Variants in ITCH observed in about 807,000 individuals in gnomAD.
ITCH encodes the protein E3 ubiquitin-protein ligase Itchy homolog.
ITCH carries 28 observed loss-of-function variants against 126.8 expected under a neutral mutation model. That is an observed-to-expected ratio of 0.22 (90% CI 0.16 to 0.30). The LOEUF (loss-of-function observed/expected upper bound fraction) is 0.30. Among genes scored for constraint, ITCH ranks in the 10% least tolerant of loss-of-function variants. The pLI is 1.00. For synonymous variants in ITCH, 342 were observed against 340.0 expected (o/e 1.01, Z -0.06); for missense variants, 631 against 1,032.4 (o/e 0.61, Z 5.33).
intron 11 of ITCH, among the ~76,000 whole-genome samples, chr20:34,448,342 G>A (rs910625796): frequency 2.0e-5 from 3 of 151,902 alleles, no homozygotes; most frequent in Middle Eastern, 3.4e-3. Context: ...ACAGTGAGCC[G>A]AGATCGTGCC....
chr20:34,419,775 C>G (rs1980506965), intron 6 of ITCH, among the ~76,000 whole-genome samples: 1 of 152,210 alleles, frequency 6.6e-6, no homozygotes, highest in Non-Finnish European at 1.5e-5. Context: ...CTGCCTTAGC[C>G]TCCCGAGTAG....
chr20:34,365,935 T>C (rs1233845444), intron 1 of ITCH, among the ~76,000 whole-genome samples: 1 of 152,198 alleles, frequency 6.6e-6, no homozygotes, highest in Admixed American at 6.6e-5. Context: ...ACTGTAGACT[T>C]ACCAAGGAAA....
intron 20 of ITCH, among the ~76,000 whole-genome samples, chr20:34,482,008 T>G (rs1206741887): frequency 6.6e-6 from 1 of 151,980 alleles, no homozygotes; most frequent in Non-Finnish European, 1.5e-5. Context: ...AGACTCTGTC[T>G]CAAAACAAAC....
Position 34,412,576 on chromosome 20 carries a change from G to A in ITCH, c.274G>A (p.Asp92Asn). The change falls in exon 5 of 25, where the codon GAT becomes AAT. Residue 92 changes from aspartate (D) to asparagine (N), a missense_variant. This residue lies in a region of ITCH where 220 missense variants were observed against 265.7 expected (regional missense o/e 0.83). Coordinates refer to ENST00000374864, the MANE Select transcript of ITCH (RefSeq NM_031483.7). ...GTGGAGTCACCAGACACTGAAATCT[G>A]ATGTTTTGTTGGGAACTGCTGCATT... ...RVWSHQTLKSDVLLGTAALDI... is the reference protein window; with the variant it reads ...RVWSHQTLKSNVLLGTAALDI... 6.2e-7 allele frequency: 1 copy of A among 1,603,032 alleles called. No homozygotes were observed. Among genetic ancestry groups the A allele is most frequent in the Non-Finnish European group, 8.5e-7 (1 of 1,170,052 alleles).
At chr20:34,451,058 C>G (rs1419236615) in intron 12 of ITCH, 1 of 152,114 alleles carries the variant, frequency 6.6e-6, no homozygotes, top group African/African-American at 2.4e-5. Flanking sequence ...GAGGCTGAGG[C>G]AGGTGAATCG....
At chr20:34,480,248 A>G (rs985139106) in intron 18 of ITCH, among the ~76,000 whole-genome samples, 1 of 151,884 alleles carries the variant, frequency 6.6e-6, no homozygotes, top group Admixed American at 6.6e-5. Flanking sequence ...CCCAGGCTAG[A>G]GTGCAATGGC....
rs1362618663 is a variant in ITCH at position 34,511,227 on chromosome 20, T to C, written c.*3433T>C. ...GGCAGCACTGGATTGTATATTACTGTATTAAGAGTACCTTTGTTTTCTTGA... is the reference window on the plus strand; with the variant it reads ...GGCAGCACTGGATTGTATATTACTGCATTAAGAGTACCTTTGTTTTCTTGA... On this transcript the variant is annotated 3_prime_UTR_variant, in exon 25 of 25. Transcript: ENST00000374864. 1.3e-5 allele frequency: 2 copies of C among 152,236 alleles called. No homozygotes were observed. The highest frequency in any genetic ancestry group is 3.8e-4 in the East Asian group (2 of 5,206). 9.4% of individuals were successfully genotyped at this position (152,236 alleles called of 1,614,324 possible).
intron 14 of ITCH, among the ~76,000 whole-genome samples, chr20:34,469,523 C>A (rs6059855): frequency 6.6e-6 from 1 of 151,998 alleles, no homozygotes; most frequent in East Asian, 1.9e-4. Context: ...CTCCTGACCT[C>A]AGATGATCCA....
At chr20:34,504,114 C>T (rs1990468865) in intron 23 of ITCH, among the ~76,000 whole-genome samples, 1 of 152,020 alleles carries the variant, frequency 6.6e-6, no homozygotes, top group Non-Finnish European at 1.5e-5. Context: ...CTCCTGACCT[C>T]AAGTGAGCTG....
intron 12 of ITCH, among the ~76,000 whole-genome samples, chr20:34,451,245 G>A (rs1258235706): frequency 1.3e-5 from 2 of 150,758 alleles, no homozygotes; most frequent in East Asian, 1.9e-4. Context: ...AGCCAAGATC[G>A]CGCCATTGCA....
At chr20:34,391,019 C>G (rs1180367586) in intron 2 of ITCH, among the ~76,000 whole-genome samples, 2 of 152,180 alleles carry the variant, frequency 1.3e-5, no homozygotes, top group East Asian at 3.8e-4. Flanking sequence ...TCCCAGAGTG[C>G]TGGGATTACA....
intron 12 of ITCH, among the ~76,000 whole-genome samples, chr20:34,452,709 C>T (rs1465451998): frequency 6.6e-6 from 1 of 152,106 alleles, no homozygotes; most frequent in Admixed American, 6.5e-5. Flanking sequence ...CCTGTGTTGC[C>T]CAGGCTGGGG....
intron 2 of ITCH, among the ~76,000 whole-genome samples, chr20:34,370,598 A>G (rs1055074440): frequency 3.3e-5 from 5 of 151,706 alleles, no homozygotes; most frequent in African/African-American, 7.3e-5. Context: ...CAGGAGGTGG[A>G]CACTGCAGTA....
intron 3 of ITCH, chr20:34,402,760 C>G: frequency 3.4e-6 from 1 of 290,224 alleles, no homozygotes; most frequent in Non-Finnish European, 7.0e-6. Context: ...AGCTTCTCCA[C>G]CGGGTTGTTG....
chr20:34,476,406 C>T, intron 16 of ITCH: 1 of 1,238,398 alleles, frequency 8.1e-7, no homozygotes, highest in Non-Finnish European at 1.0e-6. Flanking sequence ...GGTGCAGCCA[C>T]CGGCCGGCCG....
rs1568989908 is a variant in ITCH at position 34,480,596 on chromosome 20, T to C, written c.1819-3T>C. The C allele has an allele frequency of 6.2e-7, 1 of 1,613,776 alleles. No homozygotes were observed. Among genetic ancestry groups the C allele is most frequent in the Non-Finnish European group, 8.5e-7 (1 of 1,179,758 alleles). ...TAAGCGGTCTTGTTTCCTTTTTTCATAGGCTCTGTTCCATGGGAAATTCAT... is the reference window on the plus strand; with the variant it reads ...TAAGCGGTCTTGTTTCCTTTTTTCACAGGCTCTGTTCCATGGGAAATTCAT... On this transcript the variant is annotated splice_polypyrimidine_tract_variant and splice_region_variant and intron_variant, in intron 18 of 24. Coordinates refer to ENST00000374864, the MANE Select transcript of ITCH (RefSeq NM_031483.7).
At chr20:34,369,752 A>C (rs910438679) in intron 2 of ITCH, among the ~76,000 whole-genome samples, 10 of 152,142 alleles carry the variant, frequency 6.6e-5, no homozygotes, top group Admixed American at 5.2e-4. Flanking sequence ...ATACACGTTT[A>C]TCTCTGTATA....
chr20:34,479,969 G>C (rs2146466957), intron 18 of ITCH, among the ~76,000 whole-genome samples, 180 bp downstream of exon 18: 1 of 152,204 alleles, frequency 6.6e-6, no homozygotes, highest in Admixed American at 6.5e-5. Context: ...CACGATCTTG[G>C]CTCACTGCAA....
intron 3 of ITCH, 87 bp from the exon 4 acceptor site, chr20:34,408,564 T>C: frequency 7.9e-7 from 1 of 1,260,156 alleles, no homozygotes; most frequent in South Asian, 1.3e-5. Flanking sequence ...GTAAATTTAG[T>C]AAATCTGCCT....
Sources: allele counts gnomAD v4.1 joint callset (sites outside exome capture counted in the v4.1 genomes callset), GRCh38; gene constraint gnomAD v4.1.1; regional missense constraint gnomAD v4.1.1; transcripts MANE v1.5; gene names NCBI Gene and HGNC (gene_info 2026-07-23, HGNC 2026-07-21).